The following KANSL1L variants were observed in gnomAD, a reference collection of about 807,000 sequenced individuals.
The protein encoded by KANSL1L is KAT8 regulatory NSL complex subunit 1 like, also known as KAT8 regulatory NSL complex subunit 1-like protein.
KANSL1L carries 25 observed loss-of-function variants against 108.6 expected under a neutral mutation model. That is an observed-to-expected ratio of 0.23 (90% CI 0.17 to 0.32). KANSL1L has a LOEUF of 0.32. Among genes scored for constraint, KANSL1L ranks in the 10% least tolerant of loss-of-function variants. The pLI, the probability that KANSL1L is intolerant of heterozygous loss-of-function variation, is 1.00. For synonymous variants in KANSL1L, 405 were observed against 395.1 expected, an observed-to-expected ratio of 1.03 and a Z score of -0.30; for missense variants, 1,137 against 1,125.7, an observed-to-expected ratio of 1.01 and a Z score of -0.14.
chr2:210,043,868 C>G, intron 7 of KANSL1L, 71 bp downstream of exon 7: 2 of 1,003,596 alleles, frequency 2.0e-6, no homozygotes, highest in East Asian at 2.7e-5. Flanking sequence ...TTATTAGATT[C>G]TCTGTATTTA....
chr2:210,044,129 T>C lies in KANSL1L; in HGVS notation c.1756-25A>G. 2 of 1,521,472 alleles carry C rather than the reference T, an allele frequency of 1.3e-6. No individual in the cohort carries two copies. The highest frequency in any genetic ancestry group is 1.3e-5 in the South Asian group (1 of 75,496). The allele number at this position is 1,521,472 out of a possible 1,614,324, so 94.2% of individuals were successfully genotyped here. A position where few individuals can be genotyped will look rare whatever the true frequency, so the allele number is the denominator to read the frequency against. ...TCTGCAAGGAAAAACCGTATTAGAA[T>C]ATCACAGCCAAAGCATCCATAAATG... is the stretch of plus-strand genomic sequence containing the variant. On this transcript the variant is annotated intron_variant, in intron 6 of 14. Transcript: ENST00000281772. The surrounding 1 kb of genome is among the most constrained non-coding windows in gnomAD (Gnocchi z 4.2).
chr2:210,125,229 G>A (rs918255862), intron 3 of KANSL1L, among the ~76,000 whole-genome samples: 3 of 152,012 alleles, frequency 2.0e-5, no homozygotes, highest in Non-Finnish European at 2.9e-5. Flanking sequence ...ACTCCAGCCT[G>A]GGCAACAAGA....
chr2:210,080,611 TTG>T (rs2094581821), intron 5 of KANSL1L, among the ~76,000 whole-genome samples: 1 of 152,184 alleles, frequency 6.6e-6, no homozygotes, highest in Admixed American at 6.5e-5. Context: ...TTGAAGCCAC[TTG>T]CTATGTGGGC....
intron 2 of KANSL1L, among the ~76,000 whole-genome samples, chr2:210,140,557 T>C (rs983428662): frequency 2.0e-5 from 3 of 152,218 alleles, no homozygotes; most frequent in Admixed American, 2.0e-4. Context: ...ACTATTATAG[T>C]TTTCTCAATG....
intron 1 of KANSL1L, among the ~76,000 whole-genome samples, chr2:210,160,596 TA>T (rs1369318821): frequency 1.3e-5 from 2 of 152,200 alleles, no homozygotes; most frequent in African/African-American, 4.8e-5. Context: ...TGCTTTGGTA[TA>T]AATCTAAACA....
In KANSL1L at chr2:210,154,339, A is replaced by G. The variant is rs781127593; in HGVS notation, c.244T>C (p.Leu82=). ...QSSKHYQTVF[L]MRSNSTLNKH... ...TTTAATGTAGAATTAGATCTCATTA[A>G]AAAAACAGTCTGGTAATGTTTTGAA... Residue 82 remains leucine (L), a synonymous_variant, in exon 2 of 15, where the codon TTA becomes CTA. Transcript: ENST00000281772. The G allele has an allele frequency of 6.2e-7, 1 of 1,611,450 alleles. No individual in the cohort carries two copies. The highest frequency in any genetic ancestry group is 8.5e-7 in the Non-Finnish European group (1 of 1,179,306).
chr2:210,140,694 CAGTGGAATTTTG>C (rs1478244478), intron 2 of KANSL1L, among the ~76,000 whole-genome samples: 3 of 152,086 alleles, frequency 2.0e-5, no homozygotes, highest in Non-Finnish European at 4.4e-5. Context: ...TGGAAAATGC[CAGTGGAATTTTG>C]ATAACAATGA....
chr2:210,142,884 G>A (rs2125597954), intron 2 of KANSL1L, among the ~76,000 whole-genome samples: 1 of 152,180 alleles, frequency 6.6e-6, no homozygotes, highest in Admixed American at 6.5e-5. Context: ...CAATCCTGAA[G>A]AATGTTCCCT....
At chr2:210,073,979 T>C (rs2094525427) in intron 6 of KANSL1L, among the ~76,000 whole-genome samples, 2 of 152,124 alleles carry the variant, frequency 1.3e-5, no homozygotes, top group Non-Finnish European at 2.9e-5. Context: ...CATAACACAC[T>C]TTTTTCTGAA....
intron 5 of KANSL1L, among the ~76,000 whole-genome samples, chr2:210,085,236 AGT>A (rs2094626424): frequency 6.6e-6 from 1 of 152,246 alleles, no homozygotes; most frequent in Non-Finnish European, 1.5e-5. Flanking sequence ...AGAAAAAGAA[AGT>A]GTGTCAGGAA....
intron 9 of KANSL1L, 122 bp downstream of exon 9, chr2:210,031,297 CAT>C (rs1200391920): frequency 1.7e-5 from 11 of 651,300 alleles, no homozygotes; most frequent in Non-Finnish European, 2.6e-5. Flanking sequence ...TTTGTAGACT[CAT>C]AGATGTTTTG....
At chr2:210,134,483 T>C (rs2095156123) in intron 2 of KANSL1L, among the ~76,000 whole-genome samples, 1 of 152,112 alleles carries the variant, frequency 6.6e-6, no homozygotes. Flanking sequence ...GGTACTATGA[T>C]TATGTTGTTA....
intron 1 of KANSL1L, among the ~76,000 whole-genome samples, chr2:210,165,453 A>C (rs1023113570): frequency 1.3e-5 from 2 of 152,108 alleles, no homozygotes; most frequent in Non-Finnish European, 2.9e-5. Context: ...AGAAAGAATC[A>C]ATTTTTTTGT....
intron 2 of KANSL1L, among the ~76,000 whole-genome samples, chr2:210,133,585 A>T (rs189924865): frequency 4.0e-5 from 6 of 151,378 alleles, no homozygotes; most frequent in South Asian, 2.1e-4. Context: ...TTTTCCTTCT[A>T]TTTGCTTTGG....
At chr2:210,065,850 T>G (rs1559528570) in intron 6 of KANSL1L, among the ~76,000 whole-genome samples, 1 of 152,192 alleles carries the variant, frequency 6.6e-6, no homozygotes, top group Non-Finnish European at 1.5e-5. Context: ...TCTCCCAAAG[T>G]GCTGGGATAA....
At chr2:210,139,448 G>A (rs752936041) in intron 2 of KANSL1L, among the ~76,000 whole-genome samples, 1 of 152,066 alleles carries the variant, frequency 6.6e-6, no homozygotes, top group African/African-American at 2.4e-5. Flanking sequence ...TGGGTCATAT[G>A]GTAATTCTAT....
chr2:210,161,767 T>C (rs2125673453), intron 1 of KANSL1L, among the ~76,000 whole-genome samples: 1 of 152,288 alleles, frequency 6.6e-6, no homozygotes, highest in Admixed American at 6.5e-5. Context: ...ATGACATAGC[T>C]TTAAATTTTA....
rs2093854369 is a variant in KANSL1L at position 210,021,467 on chromosome 2, A to G, written c.*1482T>C. ...TAAAAAACTTACATAGAAGATTATA[A>G]TATCAGACGTGACAAAGATTTGAGT... On this transcript the variant is annotated 3_prime_UTR_variant, in exon 15 of 15. Transcript: ENST00000281772. 6.6e-6 allele frequency: 1 copy of G among 152,576 alleles called. No homozygotes were observed. The highest frequency in any genetic ancestry group is 6.5e-5 in the Admixed American group (1 of 15,268). The allele number at this position is 152,576 out of a possible 1,614,324, so 9.5% of individuals were successfully genotyped here.
intron 1 of KANSL1L, among the ~76,000 whole-genome samples, chr2:210,157,691 G>GAA (rs56676129): frequency 0.013 from 601 of 47,182 alleles, 83 homozygotes; most frequent in Non-Finnish European, 0.014. Flanking sequence ...CACTGTCACA[G>GAA]AAAAAAAAAA....
Sources: gnomAD v4.1 joint callset for allele counts (sites outside exome capture counted in the v4.1 genomes callset) on GRCh38, gnomAD v4.1.1 for gene constraint, Gnocchi (gnomAD v3.1) non-coding constraint, MANE v1.5 for transcripts, NCBI Gene and HGNC (gene_info 2026-07-23, HGNC 2026-07-21) for gene names.